The following TTC6 variants were observed in gnomAD, a reference collection of about 807,000 sequenced individuals.
TTC6 encodes the protein tetratricopeptide repeat domain 6.
In TTC6, 172 loss-of-function variants were observed where a neutral mutation model predicts 210.4. The ratio of observed to expected loss-of-function variants is 0.82; its 90% CI spans 0.72 to 0.93. TTC6 has a LOEUF of 0.93. TTC6 is among the 40% of genes least tolerant of loss of function. The pLI is 0.00. For synonymous variants in TTC6, 804 were observed against 819.6 expected (o/e 0.98, Z 0.32); for missense variants, 2,414 against 2,318.1 (o/e 1.04, Z -0.85).
rs1421961588 is a variant in TTC6, at chr14:37,826,051, C to A, written c.4975-144C>A. Reference sequence around the variant, plus strand: ...GCAGCCACAGTATGCATTCAGTATGCCTACTTTCTGGTTTGAAAGAACTTA... The same window carrying A: ...GCAGCCACAGTATGCATTCAGTATGACTACTTTCTGGTTTGAAAGAACTTA... On this transcript the variant is annotated intron_variant, in intron 27 of 30. Coordinates refer to ENST00000553443, the Ensembl canonical transcript of TTC6. The A allele has an allele frequency of 3.3e-5, 24 of 721,990 alleles. 1 individual carries two copies. Among genetic ancestry groups the A allele is most frequent in the Non-Finnish European group, 4.4e-5 (21 of 474,950 alleles). The allele number at this position is 721,990 out of a possible 1,614,324, so 44.7% of individuals were successfully genotyped here. A position where few individuals can be genotyped will look rare whatever the true frequency, so the allele number is the denominator to read the frequency against.
chr14:37,809,007 GC>G (rs1291818147), intron 24 of TTC6, among the ~76,000 whole-genome samples, 161 bp downstream of exon 26: 5 of 152,028 alleles, frequency 3.3e-5, no homozygotes, highest in Non-Finnish European at 7.4e-5. Context: ...TATTACTTCT[GC>G]TACAATTTTC....
intron 12 of TTC6, 84 bp from the exon 15 acceptor site, chr14:37,750,969 G>A (rs564922739): frequency 2.6e-6 from 2 of 759,568 alleles, no homozygotes; most frequent in Admixed American, 6.8e-5. Context: ...GACTACATTT[G>A]TGGAGGGAGA....
intron 14 of TTC6, among the ~76,000 whole-genome samples, chr14:37,757,910 T>C (rs913944351): frequency 1.3e-5 from 2 of 152,216 alleles, no homozygotes; most frequent in Admixed American, 6.5e-5. Context: ...AAAGAACTTA[T>C]TTATTTCTGT....
chr14:37,811,522 A>G (rs1224061732), intron 24 of TTC6, among the ~76,000 whole-genome samples: 1 of 152,120 alleles, frequency 6.6e-6, no homozygotes, highest in Non-Finnish European at 1.5e-5. Context: ...TTCTGATCAG[A>G]CCATATGGCT....
intron 4 of TTC6, among the ~76,000 whole-genome samples, chr14:37,700,690 C>T (rs1351025104): frequency 7.6e-6 from 1 of 131,044 alleles, no homozygotes; most frequent in Non-Finnish European, 1.5e-5. Flanking sequence ...TTGCAGTGAG[C>T]CAAGATTGTG....
chr14:37,721,904 A>G (rs1001249112), intron 6 of TTC6, among the ~76,000 whole-genome samples: 41 of 144,692 alleles, frequency 2.8e-4, no homozygotes, highest in African/African-American at 1.0e-3. Flanking sequence ...ACATATATAC[A>G]CATGTATATA....
intron 2 of TTC6, among the ~76,000 whole-genome samples, chr14:37,614,895 C>T (rs2095640258): frequency 6.6e-6 from 1 of 152,034 alleles, no homozygotes; most frequent in Non-Finnish European, 1.5e-5. Flanking sequence ...TACAGCTGCC[C>T]AGCACCATGC....
intron 29 of TTC6, among the ~76,000 whole-genome samples, chr14:37,841,196 G>A (rs553034654): frequency 1.5e-4 from 23 of 152,258 alleles, no homozygotes; most frequent in African/African-American, 5.5e-4. Flanking sequence ...CCAGCCAACA[G>A]GAGTATTATA....
At chr14:37,812,455 C>A in intron 25 of TTC6, 22 bp downstream of exon 27, 2 of 1,551,138 alleles carry the variant, frequency 1.3e-6, no homozygotes, top group South Asian at 2.5e-5. Context: ...TGTTGTGTAA[C>A]CCACTTGATT....
intron 14 of TTC6, among the ~76,000 whole-genome samples, chr14:37,778,937 T>G (rs2139240397): frequency 6.6e-6 from 1 of 152,242 alleles, no homozygotes; most frequent in East Asian, 1.9e-4. Flanking sequence ...TGGCAGACCT[T>G]GGGGTATGGG....
chr14:37,739,573 A>AG (rs2095912204), intron 10 of TTC6, among the ~76,000 whole-genome samples: 1 of 131,792 alleles, frequency 7.6e-6, no homozygotes, highest in Non-Finnish European at 1.8e-5. Flanking sequence ...CATCTTAAAA[A>AG]AAAAAAAAAA....
intron 14 of TTC6, among the ~76,000 whole-genome samples, chr14:37,775,345 G>T (rs1229374116): frequency 6.6e-6 from 1 of 152,098 alleles, no homozygotes; most frequent in Non-Finnish European, 1.5e-5. Flanking sequence ...ATCTTCCTAA[G>T]TTTCTAATGT....
At chr14:37,814,827 T>A (rs1349651773) in intron 25 of TTC6, among the ~76,000 whole-genome samples, 1 of 151,984 alleles carries the variant, frequency 6.6e-6, no homozygotes, top group Non-Finnish European at 1.5e-5. Flanking sequence ...TAATTAGAGG[T>A]CTGCATGAAA....
chr14:37,603,962 TG>T (rs2095620496), intron 1 of TTC6, among the ~76,000 whole-genome samples: 1 of 152,070 alleles, frequency 6.6e-6, no homozygotes, highest in Admixed American at 6.6e-5. Context: ...ACCAGTTGAG[TG>T]TAGAATGAGT....
intron 1 of TTC6, among the ~76,000 whole-genome samples, chr14:37,650,990 G>A (rs1459435727): frequency 6.6e-6 from 1 of 152,004 alleles, no homozygotes; most frequent in Non-Finnish European, 1.5e-5. Context: ...AGAACTGGTT[G>A]GGCAGCTTTT....
chr14:37,758,189 CTT>C (rs1225738936), intron 14 of TTC6, among the ~76,000 whole-genome samples: 1 of 152,092 alleles, frequency 6.6e-6, no homozygotes, highest in Non-Finnish European at 1.5e-5. Flanking sequence ...GTAGGTGTCT[CTT>C]AGGTCCACTT....
chr14:37,712,763 T>G (rs902411497), intron 5 of TTC6, among the ~76,000 whole-genome samples: 3 of 152,068 alleles, frequency 2.0e-5, no homozygotes, highest in African/African-American at 7.2e-5. Flanking sequence ...CGTAATTCAA[T>G]TACCTCCCAC....
chr14:37,841,453 C>A, exon 30 of TTC6: 4 of 1,587,322 alleles, frequency 2.5e-6, no homozygotes, highest in Non-Finnish European at 3.4e-6. Context: ...AGGCCAGTGA[C>A]TACTTCTCAA....
intron 29 of TTC6, among the ~76,000 whole-genome samples, chr14:37,830,564 C>T (rs974529197): frequency 7.3e-5 from 11 of 151,568 alleles, no homozygotes; most frequent in Admixed American, 3.3e-4. Context: ...AATCTTTATA[C>T]TGTTTCCTGA....
Sources: allele counts gnomAD v4.1 joint callset (sites outside exome capture counted in the v4.1 genomes callset), GRCh38; gene constraint gnomAD v4.1.1; transcripts MANE v1.5; gene names NCBI Gene and HGNC (gene_info 2026-07-23, HGNC 2026-07-21).